Variants in ADPRHL1 observed in about 807,000 individuals in gnomAD.
ADPRHL1 encodes the protein ADP-ribosylhydrolase like 1.
A neutral mutation model predicts 44.1 loss-of-function variants in ADPRHL1; 43 were observed. That is an observed-to-expected ratio of 0.98 (90% confidence interval 0.76 to 1.26). ADPRHL1 has a LOEUF of 1.26. ADPRHL1 is among the 50% of genes most tolerant of loss of function. The pLI, the probability that ADPRHL1 is intolerant of heterozygous loss-of-function variation, is 0.00. For synonymous variants in ADPRHL1, 878 were observed against 1,017.4 expected (o/e 0.86, Z 2.61); for missense variants, 2,022 against 2,496.9 (o/e 0.81, Z 4.05).
chr13:113,433,922 G>A, intron 2 of ADPRHL1, 55 bp from the exon 3 acceptor site: 2 of 1,477,526 alleles, frequency 1.4e-6, no homozygotes, highest in South Asian at 1.3e-5. Context: ...TTCCACCCCT[G>A]ACAATCTAGC....
intron 2 of ADPRHL1, among the ~76,000 whole-genome samples, chr13:113,439,980 A>C (rs1456183815): frequency 6.6e-6 from 1 of 152,142 alleles, no homozygotes; most frequent in Non-Finnish European, 1.5e-5. Flanking sequence ...TTTCCACATC[A>C]GTCTAGCTAG....
chr13:113,425,347 AAAC>A (rs751560326), intron 4 of ADPRHL1, among the ~76,000 whole-genome samples, 168 bp from the exon 5 acceptor site: 27 of 152,188 alleles, frequency 1.8e-4, no homozygotes, highest in Non-Finnish European at 2.5e-4. Context: ...GTCCTGGAGT[AAAC>A]AACTGAGAGA....
At position 113,422,930 on chromosome 13, in the gene ADPRHL1, C is replaced by T. The variant is rs767229543; in HGVS notation, c.957G>A (p.Leu319=). ...CTTTGGGAACGAGGTCCAGGCCGTA[C>T]AGCAACCCGAACAGGCAGCCTGCAA... ...GTIAGCLFGL[L]YGLDLVPKGL... is the part of the protein sequence containing the mutation. Residue 319 remains leucine (L), a synonymous_variant, in exon 7 of 8, where the codon CTG becomes CTA. Transcript: ENST00000612156. 2.1e-5 allele frequency: 34 copies of T among 1,612,836 alleles called. No homozygotes were observed. The Admixed American group carries it at 4.8e-4, about 23-fold the overall frequency.
At chr13:113,434,357 G>A (rs1459614104) in intron 2 of ADPRHL1, among the ~76,000 whole-genome samples, 1 of 148,590 alleles carries the variant, frequency 6.7e-6, no homozygotes, top group Non-Finnish European at 1.5e-5. Context: ...TCCAGGTGCA[G>A]GATGAACATA....
In ADPRHL1 at chr13:113,407,121, C is replaced by A; in HGVS notation, c.2161G>T (p.Val721Leu). The A allele has an allele frequency of 8.1e-7, 1 of 1,232,284 alleles. No homozygotes were observed. Among genetic ancestry groups the A allele is most frequent in the Non-Finnish European group, 1.0e-6 (1 of 988,066 alleles). 76.3% of individuals were successfully genotyped at this position (1,232,284 alleles called of 1,614,324 possible). ...PCTGGVLPGL[V>L]PASSPLGPAS... ...GGTCCCAGTGGGGATGATGCAGGCA[C>A]AAGGCCAGGAAGGACTCCACCTGTG... The change falls in exon 8 of 8, where the codon GTG becomes TTG. Residue 721 changes from valine (V) to leucine (L), a missense_variant. By Grantham distance (32) the Val-to-Leu change is conservative (BLOSUM62 1). This residue lies in a region of ADPRHL1 where 1,221 missense variants were observed against 1,517.8 expected (regional missense o/e 0.80). Coordinates refer to ENST00000612156, the MANE Select transcript of ADPRHL1 (RefSeq NM_001394807.1).
intron 7 of ADPRHL1, among the ~76,000 whole-genome samples, chr13:113,419,501 C>A (rs143515892): frequency 1.3e-5 from 2 of 152,072 alleles, no homozygotes; most frequent in Non-Finnish European, 2.9e-5. Context: ...AGATGCACCA[C>A]AATTTCAGAA....
rs2043777972 is a variant in ADPRHL1 at position 113,403,489 on chromosome 13, G to A, written c.5793C>T (p.Ser1931=). 8.1e-7 allele frequency: 1 copy of A among 1,232,064 alleles called. No homozygotes were observed. Among genetic ancestry groups the A allele is most frequent in the South Asian group, 4.1e-5 (1 of 24,322 alleles). 76.3% of individuals were successfully genotyped at this position (1,232,064 alleles called of 1,614,324 possible). The change falls in exon 8 of 8, where the codon TCC becomes TCT. Residue 1931 remains serine (S), a synonymous_variant. Transcript: ENST00000612156. ...GGGCTTTGTACTTGGCCAGGTGCCT[G>A]GACCTCCCGCGACGCTCGGGCTCCG... ...EASEPERRGR[S]RHLAKYKAQS...
In ADPRHL1 at chr13:113,402,197, C is replaced by G. The variant is rs996651915; in HGVS notation, c.*1181G>C. The stretch of plus-strand genomic sequence containing the variant: ...GCTGCTCCGGGGCCACTCAGGCAGC[C>G]GTGTGGCCTCACGGGTCCGGGTTTC... On this transcript the variant is annotated 3_prime_UTR_variant, in exon 8 of 8. Coordinates refer to ENST00000612156, the MANE Select transcript of ADPRHL1 (RefSeq NM_001394807.1). The G allele has an allele frequency of 2.0e-5, 3 of 152,224 alleles. No homozygotes were observed. The highest frequency in any genetic ancestry group is 7.2e-5 in the African/African-American group (3 of 41,456). The allele number at this position is 152,224 out of a possible 1,614,324, so 9.4% of individuals were successfully genotyped here. A position where few individuals can be genotyped will look rare whatever the true frequency, so the allele number is the denominator to read the frequency against.
Position 113,404,373 on chromosome 13 carries a change from G to C in ADPRHL1, c.4909C>G (p.Gln1637Glu), listed in dbSNP as rs1224668092. 1 of 1,326,952 alleles carries C rather than the reference G, an allele frequency of 7.5e-7. No homozygotes were observed. The highest frequency in any genetic ancestry group is 2.3e-5 in the South Asian group (1 of 43,958). The allele number at this position is 1,326,952 out of a possible 1,614,324, so 82.2% of individuals were successfully genotyped here. The change falls in exon 8 of 8, where the codon CAG becomes GAG. Residue 1637 changes from glutamine (Q) to glutamate (E), a missense_variant. Around this residue, in one of 8 missense-constraint regions of ADPRHL1, gnomAD observed 78 missense variants for 76.5 expected, o/e 1.02. Transcript: ENST00000612156. ...TGGGCCTGACCCTGAACCCGTTCCT[G>C]AGCCCCTTTCTGGGTCTGTTCCTGA... ...WAQEQTQKGA[Q>E]ERVQGQAQKG... is the part of the protein sequence containing the mutation.
At position 113,407,099 on chromosome 13, in the gene ADPRHL1, C is replaced by T. The variant is rs990484145; in HGVS notation, c.2183G>A (p.Gly728Glu). ...PGLVPASSPL[G>E]PASPWGTGSA... ...TCCGGTGCCCCAAGGGCTGGCCGGTCCCAGTGGGGATGATGCAGGCACAAG... is the reference window on the plus strand; with the variant it reads ...TCCGGTGCCCCAAGGGCTGGCCGGTTCCAGTGGGGATGATGCAGGCACAAG... The change falls in exon 8 of 8, where the codon GGA becomes GAA. Residue 728 changes from glycine to glutamate, a missense_variant. By Grantham distance (98) the Gly-to-Glu change is moderately conservative (BLOSUM62 -2). Coordinates refer to ENST00000612156, the MANE Select transcript of ADPRHL1 (RefSeq NM_001394807.1). 1.8e-5 allele frequency: 22 copies of T among 1,232,178 alleles called. No individual in the cohort carries two copies. The highest frequency in any genetic ancestry group is 8.4e-5 in the Admixed American group (2 of 23,698). 76.3% of individuals were successfully genotyped at this position (1,232,178 alleles called of 1,614,324 possible). A position where few individuals can be genotyped will look rare whatever the true frequency, so the allele number is the denominator to read the frequency against.
At position 113,405,087 on chromosome 13, in the gene ADPRHL1, C is replaced by A; in HGVS notation, c.4195G>T (p.Val1399Leu). The A allele has an allele frequency of 3.2e-6, 4 of 1,232,256 alleles. No homozygotes were observed. The highest frequency in any genetic ancestry group is 4.0e-6 in the Non-Finnish European group (4 of 988,352). 76.3% of individuals were successfully genotyped at this position (1,232,256 alleles called of 1,614,324 possible). The change falls in exon 8 of 8, where the codon GTG becomes TTG. Residue 1399 changes from valine (V) to leucine (L), a missense_variant. Val to Leu is a conservative substitution (Grantham distance 32). Around this residue, in one of 8 missense-constraint regions of ADPRHL1, gnomAD observed 1,221 missense variants for 1,517.8 expected, o/e 0.80. Coordinates refer to ENST00000612156, the MANE Select transcript of ADPRHL1 (RefSeq NM_001394807.1). ...TPQPGDAGKRVAPSGSKVVLN... is the reference protein window; with the variant it reads ...TPQPGDAGKRLAPSGSKVVLN... ...ACAACCTTCGAGCCCGACGGCGCCACCCTCTTCCCCGCATCCCCGGGCTGG... is the reference window on the plus strand; with the variant it reads ...ACAACCTTCGAGCCCGACGGCGCCAACCTCTTCCCCGCATCCCCGGGCTGG...
At chr13:113,432,917 G>A (rs1018751348) in intron 3 of ADPRHL1, among the ~76,000 whole-genome samples, 1 of 152,196 alleles carries the variant, frequency 6.6e-6, no homozygotes, top group African/African-American at 2.4e-5. Context: ...CAACCGAGCC[G>A]CCTCCTCATT....
At chr13:113,415,449 A>C (rs561244794) in intron 7 of ADPRHL1, among the ~76,000 whole-genome samples, 56 of 152,322 alleles carry the variant, frequency 3.7e-4, no homozygotes, top group Admixed American at 3.3e-3. Flanking sequence ...GGTCCACCGA[A>C]TTAGTGTTAT....
chr13:113,452,012 T>C (rs1015281601), intron 1 of ADPRHL1, among the ~76,000 whole-genome samples: 1 of 152,046 alleles, frequency 6.6e-6, no homozygotes, highest in East Asian at 1.9e-4. Flanking sequence ...AAATGGGACA[T>C]GCAGAGCTGG....
chr13:113,435,349 C>G (rs1258326636), intron 2 of ADPRHL1, among the ~76,000 whole-genome samples: 1 of 136,836 alleles, frequency 7.3e-6, no homozygotes, highest in African/African-American at 2.9e-5. Flanking sequence ...AGCCCGTGAC[C>G]CAGCACCCAG....
At position 113,405,363 on chromosome 13, in the gene ADPRHL1, C is replaced by T; in HGVS notation, c.3919G>A (p.Gly1307Arg). The T allele has an allele frequency of 8.1e-7, 1 of 1,231,868 alleles. No individual in the cohort carries two copies. Among genetic ancestry groups the T allele is most frequent in the South Asian group, 4.1e-5 (1 of 24,318 alleles). The allele number at this position is 1,231,868 out of a possible 1,614,324, so 76.3% of individuals were successfully genotyped here. ...GGAAGCAGATGGTCAGGCTCCGCCC[C>T]ACGGGGAAACCTGACGCCCTCCCTG... ...KGREGVRFPRGAEPDHLLPAV... is the reference protein window; with the variant it reads ...KGREGVRFPRRAEPDHLLPAV... Residue 1307 changes from glycine to arginine, a missense_variant, in exon 8 of 8, where the codon GGG (glycine) becomes AGG (arginine). This residue lies in a region of ADPRHL1 where 1,221 missense variants were observed against 1,517.8 expected (regional missense o/e 0.80). Transcript: ENST00000612156.
chr13:113,418,550 A>C (rs2043898270), intron 7 of ADPRHL1, among the ~76,000 whole-genome samples: 1 of 152,212 alleles, frequency 6.6e-6, no homozygotes, highest in African/African-American at 2.4e-5. Context: ...ATTCATCTAA[A>C]TCAGCCTGAA....
In ADPRHL1 at chr13:113,441,821, C is replaced by T. The variant is rs763879334; in HGVS notation, c.379+2604G>A. Among the ~76,000 whole-genome samples, 6 of 151,814 alleles carry T rather than the reference C, an allele frequency of 4.0e-5. No individual in the cohort carries two copies. Among genetic ancestry groups the T allele is most frequent in the South Asian group, 2.1e-4 (1 of 4,798 alleles). On this transcript the variant is annotated intron_variant, in intron 2 of 7. Transcript: ENST00000612156. The surrounding 1 kb of genome is among the most constrained non-coding windows in gnomAD (Gnocchi z 6.0). ...CACGCTTTACTCCACCACACGGGTC[C>T]GTGTCTCTGTCACGTTGTGTCCCGC...
chr13:113,427,507 G>A (rs1352056397), intron 4 of ADPRHL1, among the ~76,000 whole-genome samples: 1 of 151,944 alleles, frequency 6.6e-6, no homozygotes, highest in Non-Finnish European at 1.5e-5. Flanking sequence ...GGGATTATAG[G>A]CGTGAGCCAC....
Sources: allele counts gnomAD v4.1 joint callset (sites outside exome capture counted in the v4.1 genomes callset), GRCh38; gene constraint gnomAD v4.1.1; regional missense constraint gnomAD v4.1.1; non-coding constraint Gnocchi (gnomAD v3.1); transcripts MANE v1.5; gene names NCBI Gene and HGNC (gene_info 2026-07-23, HGNC 2026-07-21).